Variants in PPL observed in about 807,000 individuals in gnomAD.
PPL encodes the protein periplakin.
A neutral mutation model predicts 194.4 loss-of-function variants in PPL; 198 were observed. The observed-to-expected ratio is 1.02, with a 90% confidence interval of 0.91 to 1.15. The LOEUF is 1.15. Ranked by LOEUF, PPL falls within the 50% of genes most tolerant of loss-of-function variation. PPL has a pLI of 0.00. For synonymous variants in PPL, 1,220 were observed against 972.4 expected, an observed-to-expected ratio of 1.25 and a Z score of -4.74; for missense variants, 2,885 against 2,294.8, an observed-to-expected ratio of 1.26 and a Z score of -5.25.
At chr16:4,926,130 T>C (rs1463629862) in intron 1 of PPL, among the ~76,000 whole-genome samples, 1 of 152,160 alleles carries the variant, frequency 6.6e-6, no homozygotes, top group Non-Finnish European at 1.5e-5. Context: ...GTTTCATCTC[T>C]GATCCTTATA....
chr16:4,898,207 G>C (rs956402044), intron 8 of PPL, among the ~76,000 whole-genome samples: 12 of 152,270 alleles, frequency 7.9e-5, no homozygotes, highest in South Asian at 4.1e-4. Context: ...ATGAGACCCT[G>C]TCTCTACTAA....
In PPL at chr16:4,892,153, C is replaced by T. The variant is rs138181414; in HGVS notation, c.1711G>A (p.Glu571Lys). The T allele has an allele frequency of 9.9e-5, 159 of 1,613,810 alleles. No individual in the cohort carries two copies. In the African/African-American group the frequency reaches 1.4e-3, roughly 14 times the overall value. The change falls in exon 15 of 22, where the codon GAA (glutamate) becomes AAA (lysine). Residue 571 changes from glutamate (E) to lysine (K), a missense_variant. By Grantham distance (56) the Glu-to-Lys change is moderately conservative. Coordinates refer to ENST00000345988, the MANE Select transcript of PPL (RefSeq NM_002705.5). ...CCTGGGAGGGCCTGGATGAAGGCTT[C>T]GCCCTCAGCCGTGCTCCGCGTCTTC... ...PEKTRSTAEG[E>K]AFIQALPGSG...
intron 19 of PPL, chr16:4,888,723 T>TTTG: frequency 2.2e-6 from 1 of 464,072 alleles, no homozygotes; most frequent in Non-Finnish European, 3.8e-6. Flanking sequence ...TTTTTTTTTT[T>TTTG]GTACTTTTTC....
chr16:4,898,071 A>G (rs1387961495), intron 8 of PPL, among the ~76,000 whole-genome samples: 1 of 152,194 alleles, frequency 6.6e-6, no homozygotes, highest in Non-Finnish European at 1.5e-5. Context: ...TGGACCGAAC[A>G]GTGTCCCACC....
chr16:4,889,588 G>T (rs932401031), intron 18 of PPL, among the ~76,000 whole-genome samples: 7 of 152,102 alleles, frequency 4.6e-5, no homozygotes, highest in African/African-American at 1.7e-4. Context: ...CTGTGAAGAA[G>T]GGCCAAGATC....
At chr16:4,889,592 C>G (rs1050804194) in intron 18 of PPL, among the ~76,000 whole-genome samples, 2 of 152,062 alleles carry the variant, frequency 1.3e-5, no homozygotes, top group African/African-American at 4.8e-5. Flanking sequence ...GAAGAAGGGC[C>G]AAGATCATTA....
chr16:4,886,225 G>T (rs1876362), intron 21 of PPL, among the ~76,000 whole-genome samples, 178 bp from the exon 22 acceptor site: 142,134 of 151,848 alleles, frequency 0.94, 67,221 homozygotes, highest in East Asian at 1. Flanking sequence ...CTAGTTTGGG[G>T]TTTTTTTTAA....
At chr16:4,921,937 C>G (rs1317600380) in intron 1 of PPL, among the ~76,000 whole-genome samples, 1 of 151,906 alleles carries the variant, frequency 6.6e-6, no homozygotes, top group Non-Finnish European at 1.5e-5. Flanking sequence ...GGAGCTGGGA[C>G]AGAGGTAGCA....
intron 1 of PPL, among the ~76,000 whole-genome samples, chr16:4,920,338 AG>A (rs1568048789): frequency 3.7e-4 from 26 of 69,450 alleles, no homozygotes; most frequent in African/African-American, 7.6e-4. Context: ...AAAGAAAGAG[AG>A]AGAGAGAGAA....
intron 15 of PPL, 40 bp from the exon 16 acceptor site, chr16:4,891,989 C>A: frequency 6.2e-7 from 1 of 1,609,700 alleles, no homozygotes; most frequent in Non-Finnish European, 8.5e-7. Context: ...GCCCACCTGG[C>A]CCCCTGACCC....
rs2088196334 is a variant in PPL at position 4,885,320 on chromosome 16, A to T, written c.3335T>A (p.Ile1112Asn). The T allele has an allele frequency of 6.2e-7, 1 of 1,611,460 alleles. No homozygotes were observed. Among genetic ancestry groups the T allele is most frequent in the African/African-American group, 1.3e-5 (1 of 74,424 alleles). The change falls in exon 22 of 22, where the codon ATC becomes AAC. Residue 1112 changes from isoleucine (I) to asparagine (N), a missense_variant. By Grantham distance (149) the Ile-to-Asn change is moderately radical. Transcript: ENST00000345988. The surrounding 1 kb of genome is among the most constrained non-coding windows in gnomAD (Gnocchi z 6.3). ...EKERAMAEGK[I>N]TVKEVLKVEK... ...CACCTTGAGCACCTCCTTGACGGTGATCTTGCCCTCGGCCATGGCCCGCTC... is the reference window on the plus strand; with the variant it reads ...CACCTTGAGCACCTCCTTGACGGTGTTCTTGCCCTCGGCCATGGCCCGCTC...
intron 11 of PPL, 39 bp from the exon 12 acceptor site, chr16:4,894,657 G>T (rs1649527315): frequency 2.5e-6 from 4 of 1,596,244 alleles, no homozygotes; most frequent in Non-Finnish European, 1.7e-6. Flanking sequence ...TCCCGGCAGG[G>T]CCTGAGGGCC....
intron 14 of PPL, 72 bp downstream of exon 14, chr16:4,893,141 C>T: frequency 1.4e-6 from 2 of 1,430,302 alleles, no homozygotes; most frequent in South Asian, 1.5e-5. Context: ...GGGGAAAAGA[C>T]CTCAAATAGG....
Position 4,937,143 on chromosome 16 carries a change from C to T in PPL, c.-98G>A. ...TGAGCGAGCGGCGGCGCGGGGAGCCCGGACTGCGGCGCGGCAGTGGCTCCG... is the reference window on the plus strand; with the variant it reads ...TGAGCGAGCGGCGGCGCGGGGAGCCTGGACTGCGGCGCGGCAGTGGCTCCG... On this transcript the variant is annotated 5_prime_UTR_variant, in exon 1 of 22. Transcript: ENST00000345988. The T allele has an allele frequency of 3.7e-6, 3 of 819,438 alleles. No homozygotes were observed. Among genetic ancestry groups the T allele is most frequent in the Non-Finnish European group, 4.5e-6 (3 of 669,202 alleles). The allele number at this position is 819,438 out of a possible 1,614,324, so 50.8% of individuals were successfully genotyped here.
intron 1 of PPL, among the ~76,000 whole-genome samples, chr16:4,925,873 G>A (rs556470408): frequency 1.3e-5 from 2 of 152,248 alleles, no homozygotes; most frequent in East Asian, 3.9e-4. Flanking sequence ...CAGGATGATG[G>A]GACCAGGCAT....
chr16:4,891,194 T>A (rs1168785441), intron 16 of PPL, among the ~76,000 whole-genome samples: 1 of 152,158 alleles, frequency 6.6e-6, no homozygotes, highest in Non-Finnish European at 1.5e-5. Context: ...CACTGTCTGG[T>A]CATGAGGCTG....
In PPL at chr16:4,885,037, C is replaced by T. The variant is rs1237287095; in HGVS notation, c.3618G>A (p.Glu1206=). 2 of 1,613,630 alleles carry T rather than the reference C, an allele frequency of 1.2e-6. No individual in the cohort carries two copies. The highest frequency in any genetic ancestry group is 1.7e-5 in the Admixed American group (1 of 60,014). Residue 1206 remains glutamate, a synonymous_variant, in exon 22 of 22, where the codon GAG becomes GAA. Coordinates refer to ENST00000345988, the MANE Select transcript of PPL (RefSeq NM_002705.5). The surrounding 1 kb of genome is among the most constrained non-coding windows in gnomAD (Gnocchi z 6.3). ...CACTCTGGTAGCTCCGGAGCTGCTC[C>T]TCGGCACCCCGGTACTTTCGCTCCT... ...VEQERKYRGA[E]EQLRSYQSEL...
rs764732531 is a variant in PPL at position 4,895,310 on chromosome 16, G to A, written c.1193C>T (p.Pro398Leu). 57 of 1,613,122 alleles carry A rather than the reference G, an allele frequency of 3.5e-5. No homozygotes were observed. The highest frequency in any genetic ancestry group is 1.7e-4 in the Middle Eastern group (1 of 6,054). Residue 398 changes from proline to leucine, a missense_variant, in exon 11 of 22, where the codon CCG becomes CTG. By Grantham distance (98) the Pro-to-Leu change is moderately conservative (BLOSUM62 -3). Transcript: ENST00000345988. ...TGCCTCCACGGGGATGGGCTTGAGCGGAGTCTCCCGGCGGTACTTGAGGGG... is the reference window on the plus strand; with the variant it reads ...TGCCTCCACGGGGATGGGCTTGAGCAGAGTCTCCCGGCGGTACTTGAGGGG... Reference protein sequence around the residue: ...VVPLKYRRETPLKPIPVEALC... With the variant: ...VVPLKYRRETLLKPIPVEALC...
At chr16:4,936,926 T>G (rs1347080957) in intron 1 of PPL, 58 bp downstream of exon 1, 2 of 1,517,254 alleles carry the variant, frequency 1.3e-6, no homozygotes, top group Non-Finnish European at 1.8e-6. Flanking sequence ...GTCTTCCAGG[T>G]CCTGTGCGCC....
Sources: allele counts gnomAD v4.1 joint callset (sites outside exome capture counted in the v4.1 genomes callset), GRCh38; gene constraint gnomAD v4.1.1; non-coding constraint Gnocchi (gnomAD v3.1); transcripts MANE v1.5; gene names NCBI Gene and HGNC (gene_info 2026-07-23, HGNC 2026-07-21).